The following ABCA10 variants were observed in gnomAD, a reference collection of about 807,000 sequenced individuals.
ABCA10 encodes ATP-binding cassette sub-family A member 10.
A neutral mutation model predicts 187.5 loss-of-function variants in ABCA10; 169 were observed. That is an observed-to-expected ratio of 0.90 (90% CI 0.80 to 1.02). The LOEUF (loss-of-function observed/expected upper bound fraction) is 1.02, where lower values mean the gene tolerates loss of function less well. Among genes scored for constraint, ABCA10 ranks in the 50% least tolerant of loss-of-function variants. The probability of loss-of-function intolerance (pLI) is 0.00; values close to 1 mark genes in which losing one functional copy is unlikely to be tolerated. For missense variants in ABCA10, 1,727 were observed against 1,812.4 expected (o/e 0.95, Z 0.86); for synonymous variants, 574 against 601.8 (o/e 0.95, Z 0.68).
chr17:69,192,835 A>G (rs966695159), intron 15 of ABCA10, among the ~76,000 whole-genome samples, 182 bp from the exon 16 acceptor site: 3 of 152,184 alleles, frequency 2.0e-5, no homozygotes, highest in Non-Finnish European at 4.4e-5. Context: ...AGGCCTCAGA[A>G]ATTCACTGCA....
At chr17:69,192,930 G>A (rs1383645570) in intron 15 of ABCA10, among the ~76,000 whole-genome samples, 180 bp downstream of exon 15, 1 of 152,212 alleles carries the variant, frequency 6.6e-6, no homozygotes, top group Non-Finnish European at 1.5e-5. Flanking sequence ...ACTTTGCCAT[G>A]TAACTTTGCA....
Position 69,197,125 on chromosome 17 carries a change from G to A in ABCA10, c.1176-3C>T, listed in dbSNP as rs755739453. The A allele has an allele frequency of 3.8e-6, 6 of 1,576,424 alleles. No homozygotes were observed. The highest frequency in any genetic ancestry group is 4.4e-6 in the Non-Finnish European group (5 of 1,149,114). On this transcript the variant is annotated splice_polypyrimidine_tract_variant and splice_region_variant and intron_variant, in intron 10 of 38. Coordinates refer to ENST00000690296, the MANE Select transcript of ABCA10 (RefSeq NM_001377321.1). ...ATTCTTTTATAACATTTCTGATTCT[G>A]AAAGAAGATGAAGTAATTTTCATGT...
Position 69,182,286 on chromosome 17 carries a change from T to A in ABCA10, c.2636A>T (p.Tyr879Phe), listed in dbSNP as rs2074385495. The change falls in exon 22 of 39, where the codon TAC becomes TTC. Residue 879 changes from tyrosine to phenylalanine, a missense_variant. By Grantham distance (22) the Tyr-to-Phe change is conservative. Coordinates refer to ENST00000690296, the MANE Select transcript of ABCA10 (RefSeq NM_001377321.1). ...AIIVSGDQKD[Y>F]RFSVACNTKK... is the part of the protein sequence containing the mutation. Reference sequence around the variant, plus strand: ...GGTATTACACGCAACAGAAAATCTGTAATCCTTGAAAAAAAGTACACAAAT... The same window carrying A: ...GGTATTACACGCAACAGAAAATCTGAAATCCTTGAAAAAAAGTACACAAAT... The A allele has an allele frequency of 2.6e-6, 4 of 1,528,960 alleles. No homozygotes were observed. Among genetic ancestry groups the A allele is most frequent in the East Asian group, 2.4e-5 (1 of 41,476 alleles). The allele number at this position is 1,528,960 out of a possible 1,614,324, so 94.7% of individuals were successfully genotyped here.
At chr17:69,207,311 C>A (rs1016255771) in intron 9 of ABCA10, among the ~76,000 whole-genome samples, 2 of 152,058 alleles carry the variant, frequency 1.3e-5, no homozygotes, top group African/African-American at 2.4e-5. Flanking sequence ...TTAGTACAAC[C>A]ATTATGAAAA....
chr17:69,218,552 A>G, intron 6 of ABCA10, among the ~76,000 whole-genome samples: 1 of 152,088 alleles, frequency 6.6e-6, no homozygotes, highest in East Asian at 1.9e-4. Flanking sequence ...TATTACTATA[A>G]TTGTATACTA....
At chr17:69,209,493 A>T (rs1385962604) in intron 9 of ABCA10, among the ~76,000 whole-genome samples, 1 of 152,250 alleles carries the variant, frequency 6.6e-6, no homozygotes, top group Admixed American at 6.5e-5. Flanking sequence ...AGTACAATAA[A>T]GATTAAGCAA....
chr17:69,160,623 A>G (rs962974991), intron 27 of ABCA10, among the ~76,000 whole-genome samples: 1 of 152,168 alleles, frequency 6.6e-6, no homozygotes, highest in Non-Finnish European at 1.5e-5. Context: ...AAACAAACAA[A>G]AAAACCAAAT....
chr17:69,161,161 C>T lies in ABCA10; in HGVS notation c.3363+2913G>A, dbSNP rs147436389. Reference sequence around the variant, plus strand: ...GTGAAATAAGCTAGTCACAAAAAGACAGATACTTTATGATTTCATGTATAT... The same window carrying T: ...GTGAAATAAGCTAGTCACAAAAAGATAGATACTTTATGATTTCATGTATAT... On this transcript the variant is annotated intron_variant, in intron 27 of 38. Transcript: ENST00000690296. Among the ~76,000 whole-genome samples the T allele has an allele frequency of 5.5e-4, 83 of 152,112 alleles. 1 individual carries two copies. Among genetic ancestry groups the T allele is most frequent in the Non-Finnish European group, 1.1e-3 (77 of 67,980 alleles).
chr17:69,201,972 A>G (rs749280045), intron 9 of ABCA10, among the ~76,000 whole-genome samples: 108 of 152,212 alleles, frequency 7.1e-4, no homozygotes, highest in Middle Eastern at 3.4e-3. Flanking sequence ...TATTAGAGAC[A>G]GGGTTTCACC....
Position 69,176,412 on chromosome 17 carries a change from A to C in ABCA10, c.2770-899T>G, listed in dbSNP as rs139032589. Among the ~76,000 whole-genome samples, 526 of 151,046 alleles carry C rather than the reference A, an allele frequency of 3.5e-3. 3 individuals are homozygous for C. Among genetic ancestry groups the C allele is most frequent in the Non-Finnish European group, 3.6e-3 (246 of 67,904 alleles). On this transcript the variant is annotated intron_variant, in intron 22 of 38. Transcript: ENST00000690296. ...CACTGTAATTTATTATTATTATGAC[A>C]AAAAAAATCTAAAGAAAAGGAGTGC...
At position 69,155,858 on chromosome 17, in the gene ABCA10, G is replaced by A. The variant is rs1269895443; in HGVS notation, c.3523C>T (p.Gln1175Ter). The A allele has an allele frequency of 1.2e-6, 2 of 1,613,768 alleles. No individual in the cohort carries two copies. The highest frequency in any genetic ancestry group is 1.7e-6 in the Non-Finnish European group (2 of 1,179,798). Residue 1175 changes from glutamine to a stop codon, truncating the protein, a stop_gained, in exon 29 of 39, where the codon CAA (glutamine) becomes TAA (stop). Transcript: ENST00000690296. LOFTEE classifies it high-confidence loss of function. ...EEPEEEDEDV[Q>*]AERVQAANAL... ...TTTGCTGCTTGGACTCTTTCAGCTT[G>A]AACATCTTCATCTTCTTCTTCGGGC...
chr17:69,239,174 A>G (rs2074889486), intron 1 of ABCA10, among the ~76,000 whole-genome samples: 1 of 152,180 alleles, frequency 6.6e-6, no homozygotes, highest in Admixed American at 6.5e-5. Flanking sequence ...CAGCAGAGTC[A>G]GAGAAATAGA....
In ABCA10 at chr17:69,193,113, C is replaced by T. The variant is rs2074473252; in HGVS notation, c.1777G>A (p.Ala593Thr). 1 of 1,599,508 alleles carries T rather than the reference C, an allele frequency of 6.3e-7. No homozygotes were observed. Among genetic ancestry groups the T allele is most frequent in the Non-Finnish European group, 8.5e-7 (1 of 1,174,982 alleles). Residue 593 changes from alanine to threonine, a missense_variant, in exon 15 of 39, where the codon GCT becomes ACT. Ala to Thr is a moderately conservative substitution (Grantham distance 58, BLOSUM62 0). Transcript: ENST00000690296. ...TQFMDEADIL[A>T]DRKVFLSNGK... ...GAATAAAGAAGCCAAGAATCACCAGCCAAGATGTCAGCCTCATCCATGAAT... is the reference window on the plus strand; with the variant it reads ...GAATAAAGAAGCCAAGAATCACCAGTCAAGATGTCAGCCTCATCCATGAAT...
intron 20 of ABCA10, among the ~76,000 whole-genome samples, chr17:69,185,269 C>T (rs992074330): frequency 6.6e-6 from 1 of 152,062 alleles, no homozygotes; most frequent in Non-Finnish European, 1.5e-5. Context: ...TGTAACCAAA[C>T]ACCACCTGTT....
At chr17:69,212,007 T>A (rs1418127153) in intron 9 of ABCA10, among the ~76,000 whole-genome samples, 2 of 152,190 alleles carry the variant, frequency 1.3e-5, no homozygotes, top group African/African-American at 2.4e-5. Context: ...GGATTTCTTT[T>A]CTTCTGCTGG....
chr17:69,191,178 G>C lies in ABCA10; in HGVS notation c.2009C>G (p.Pro670Arg). 2 of 1,590,484 alleles carry C rather than the reference G, an allele frequency of 1.3e-6. No individual in the cohort carries two copies. Among genetic ancestry groups the C allele is most frequent in the Non-Finnish European group, 1.7e-6 (2 of 1,167,254 alleles). ...SLPLEKTNKF[P>R]DLYSDLDKCS... ...TATGTGATTACACAGTAAGTTACCT[G>C]GAAATTTGTTCGTTTTTTCCAAAGG... The change falls in exon 17 of 39, where the codon CCA becomes CGA. Residue 670 changes from proline (P) to arginine (R), a missense_variant and splice_region_variant. Pro to Arg is a moderately radical substitution (Grantham distance 103). Transcript: ENST00000690296.
At chr17:69,161,475 G>C (rs942718039) in intron 27 of ABCA10, among the ~76,000 whole-genome samples, 1 of 152,168 alleles carries the variant, frequency 6.6e-6, no homozygotes, top group Non-Finnish European at 1.5e-5. Context: ...TACCACCACA[G>C]GTCACTGACT....
intron 9 of ABCA10, among the ~76,000 whole-genome samples, chr17:69,207,011 G>A (rs977756118): frequency 6.6e-5 from 10 of 152,036 alleles, no homozygotes; most frequent in African/African-American, 2.4e-4. Context: ...TCTGATAAGA[G>A]GTTAATATAC....
intron 1 of ABCA10, among the ~76,000 whole-genome samples, chr17:69,235,377 T>C (rs1412470135): frequency 6.6e-6 from 1 of 152,224 alleles, no homozygotes; most frequent in Non-Finnish European, 1.5e-5. Flanking sequence ...CTAGCTGTTC[T>C]GCCTTCTTTA....
Sources: allele counts gnomAD v4.1 joint callset (sites outside exome capture counted in the v4.1 genomes callset), GRCh38; gene constraint gnomAD v4.1.1; transcripts MANE v1.5; gene names NCBI Gene and HGNC (gene_info 2026-07-23, HGNC 2026-07-21).